SLC1A1: variants seen among roughly 807,000 people sequenced by gnomAD.
SLC1A1 encodes solute carrier family 1 member 1, also known as excitatory amino acid transporter 3.
A neutral mutation model predicts 53.3 loss-of-function variants in SLC1A1; 43 were observed. That is an observed-to-expected ratio of 0.81 (90% CI 0.63 to 1.04). The LOEUF (loss-of-function observed/expected upper bound fraction) is 1.04, where lower values mean the gene tolerates loss of function less well. SLC1A1 is among the 50% of genes least tolerant of loss of function. The pLI, the probability that SLC1A1 is intolerant of heterozygous loss-of-function variation, is 0.00. For missense variants in SLC1A1, 748 were observed against 664.9 expected (o/e 1.12, Z -1.37); for synonymous variants, 307 against 243.2 (o/e 1.26, Z -2.44).
intron 1 of SLC1A1, among the ~76,000 whole-genome samples, chr9:4,508,509 A>T: frequency 6.6e-6 from 1 of 152,176 alleles, no homozygotes; most frequent in East Asian, 1.9e-4. Flanking sequence ...CTCCATCCCC[A>T]GGAGGCATCC....
chr9:4,561,721 T>G (rs1447835699), intron 3 of SLC1A1, among the ~76,000 whole-genome samples, 180 bp downstream of exon 3: 2 of 152,106 alleles, frequency 1.3e-5, no homozygotes, highest in East Asian at 3.9e-4. Context: ...AAAACCCGTT[T>G]CTACCAAAAA....
intron 1 of SLC1A1, among the ~76,000 whole-genome samples, chr9:4,535,553 A>G (rs549532282): frequency 0.022 from 3,353 of 152,266 alleles, 129 homozygotes; most frequent in African/African-American, 0.078. Flanking sequence ...TCAATGAAAT[A>G]AAAGAGGATA....
At chr9:4,544,922 C>T (rs1320186632) in intron 2 of SLC1A1, among the ~76,000 whole-genome samples, 6 of 152,090 alleles carry the variant, frequency 3.9e-5, no homozygotes, top group Non-Finnish European at 7.3e-5. Context: ...AAAGGCTGGG[C>T]GAAGCAGGAA....
chr9:4,542,863 T>C (rs1198587917), intron 1 of SLC1A1, among the ~76,000 whole-genome samples: 1 of 152,056 alleles, frequency 6.6e-6, no homozygotes, highest in African/African-American at 2.4e-5. Context: ...GATAATAGAG[T>C]TTTGTTTCAT....
intron 1 of SLC1A1, among the ~76,000 whole-genome samples, chr9:4,508,582 G>A (rs980065141): frequency 6.6e-6 from 1 of 152,188 alleles, no homozygotes; most frequent in African/African-American, 2.4e-5. Flanking sequence ...TGTAAAAGGA[G>A]AACATCTCAC....
intron 1 of SLC1A1, among the ~76,000 whole-genome samples, chr9:4,505,133 G>A (rs1347573559): frequency 2.2e-5 from 3 of 136,602 alleles, no homozygotes; most frequent in Admixed American, 8.2e-5. Flanking sequence ...TGCAACCTCC[G>A]CCTCCCAGGT....
At position 4,585,380 on chromosome 9, in the gene SLC1A1, C is replaced by A. The variant is rs766048242; in HGVS notation, c.1397C>A (p.Ser466Tyr). Residue 466 changes from serine (S) to tyrosine (Y), a missense_variant, in exon 12 of 12, where the codon TCC becomes TAC. By Grantham distance (144) the Ser-to-Tyr change is moderately radical (BLOSUM62 -2). Transcript: ENST00000262352. ...AFGTGIVEKL[S>Y]KKELEQMDVS... ...GGGACGGGCATTGTGGAAAAGCTCT[C>A]CAAGAAGGAGCTGGAGCAGATGGAT... The A allele has an allele frequency of 6.2e-7, 1 of 1,614,200 alleles. No homozygotes were observed. Among genetic ancestry groups the A allele is most frequent in the Non-Finnish European group, 8.5e-7 (1 of 1,180,032 alleles).
chr9:4,519,652 A>T (rs1393586267), intron 1 of SLC1A1, among the ~76,000 whole-genome samples: 2 of 152,234 alleles, frequency 1.3e-5, no homozygotes, highest in Non-Finnish European at 2.9e-5. Context: ...CTTAATGCTC[A>T]GGACAGCCAT....
At chr9:4,576,477 T>G in intron 9 of SLC1A1, 92 bp from the exon 10 acceptor site, 1 of 1,035,010 alleles carries the variant, frequency 9.7e-7, no homozygotes, top group South Asian at 1.3e-5. Context: ...AAAGGACCCT[T>G]TGTTTACTTT....
At chr9:4,503,714 G>C (rs976831392) in intron 1 of SLC1A1, among the ~76,000 whole-genome samples, 1 of 151,818 alleles carries the variant, frequency 6.6e-6, no homozygotes, top group Non-Finnish European at 1.5e-5. Flanking sequence ...CTGTGCTTTC[G>C]CACTTTTTCT....
At chr9:4,568,671 G>A (rs934740787) in intron 6 of SLC1A1, among the ~76,000 whole-genome samples, 9 of 150,886 alleles carry the variant, frequency 6.0e-5, no homozygotes, top group African/African-American at 2.2e-4. Flanking sequence ...ACTCAGCCTG[G>A]GTGACAGAGC....
At chr9:4,575,155 C>T (rs1464156055) in intron 8 of SLC1A1, among the ~76,000 whole-genome samples, 1 of 152,218 alleles carries the variant, frequency 6.6e-6, no homozygotes, top group Non-Finnish European at 1.5e-5. Flanking sequence ...TTTTTAGCTA[C>T]AAGCTCTCTA....
intron 1 of SLC1A1, among the ~76,000 whole-genome samples, chr9:4,492,424 G>C (rs1820268260): frequency 6.8e-6 from 1 of 147,584 alleles, no homozygotes; most frequent in African/African-American, 2.5e-5. Flanking sequence ...AGAGGTTGAA[G>C]TCAGCCAAGA....
At chr9:4,557,551 C>T (rs891125498) in intron 2 of SLC1A1, among the ~76,000 whole-genome samples, 4 of 151,472 alleles carry the variant, frequency 2.6e-5, no homozygotes, top group Non-Finnish European at 4.4e-5. Flanking sequence ...TTTGGGAGGC[C>T]GAGGTGGGAG....
intron 3 of SLC1A1, among the ~76,000 whole-genome samples, chr9:4,563,587 G>C (rs1026942673): frequency 6.6e-6 from 1 of 152,124 alleles, no homozygotes; most frequent in African/African-American, 2.4e-5. Context: ...GCAATAAAGA[G>C]CATGAGGACC....
rs187019412 is a variant in SLC1A1, at chr9:4,538,292, C to G, written c.92-6275C>G. The stretch of plus-strand genomic sequence containing the variant: ...TTGGTTCAGTCCAGAAAAGGCGTGA[C>G]AACTTGAAGCAGGCAGGCAGCTTCC... On this transcript the variant is annotated intron_variant, in intron 1 of 11. Transcript: ENST00000262352. 1.6e-4 allele frequency among the ~76,000 whole-genome samples: 25 copies of G among 152,304 alleles called. 1 individual carries two copies. In the East Asian group the frequency reaches 2.1e-3, roughly 13 times the overall value.
intron 6 of SLC1A1, among the ~76,000 whole-genome samples, chr9:4,571,383 A>T (rs947462539): frequency 7.9e-5 from 12 of 152,256 alleles, no homozygotes; most frequent in East Asian, 5.8e-4. Context: ...AAGTTTTTTT[A>T]AAAAAATCCT....
intron 1 of SLC1A1, among the ~76,000 whole-genome samples, chr9:4,505,045 C>CTTTTTTTTTTT (rs3038189): frequency 8.7e-6 from 1 of 114,998 alleles, no homozygotes; most frequent in Non-Finnish European, 1.7e-5. Context: ...ACATATATTT[C>CTTTTTTTTTTT]TTTTTTTTTT....
chr9:4,526,576 G>A lies in SLC1A1; in HGVS notation c.92-17991G>A, dbSNP rs564249246. 1.2e-4 allele frequency among the ~76,000 whole-genome samples: 18 copies of A among 152,286 alleles called. No homozygotes were observed. The East Asian group carries it at 3.3e-3, about 28-fold the overall frequency. On this transcript the variant is annotated intron_variant, in intron 1 of 11. Coordinates refer to ENST00000262352, the MANE Select transcript of SLC1A1 (RefSeq NM_004170.6). ...CCATAATGTTTTATTTGGAAAAAAA[G>A]ATCTGTGGAGGATTTGTTCAGTCTG...
Sources: allele counts gnomAD v4.1 joint callset (sites outside exome capture counted in the v4.1 genomes callset), GRCh38; gene constraint gnomAD v4.1.1; transcripts MANE v1.5; gene names NCBI Gene and HGNC (gene_info 2026-07-23, HGNC 2026-07-21).